Variants in FAM174B observed in about 807,000 individuals in gnomAD.
FAM174B encodes the protein family with sequence similarity 174 member B.
FAM174B carries 12 observed loss-of-function variants against 10.9 expected under a neutral mutation model. That is an observed-to-expected ratio of 1.10 (90% CI 0.71 to 1.79). The LOEUF is 1.79. FAM174B is among the 40% of genes most tolerant of loss of function. The pLI is 0.00. For missense variants in FAM174B, 266 were observed against 233.3 expected (o/e 1.14, Z -0.91); for synonymous variants, 132 against 115.8 (o/e 1.14, Z -0.90).
rs190535020 is a variant in FAM174B at position 92,630,908 on chromosome 15, T to C, written c.345-563A>G. Among the ~76,000 whole-genome samples the C allele has an allele frequency of 5.6e-3, 199 of 35,638 alleles. 1 individual carries two copies. Among genetic ancestry groups the C allele is most frequent in the Non-Finnish European group, 0.012 (153 of 13,278 alleles). 23.4% of individuals were successfully genotyped at this position (35,638 alleles called of 152,430 possible). A position where few individuals can be genotyped will look rare whatever the true frequency, so the allele number is the denominator to read the frequency against. On this transcript the variant is annotated intron_variant, in intron 1 of 2. Coordinates refer to ENST00000327355, the MANE Select transcript of FAM174B (RefSeq NM_207446.3). ...ATTACGTATTACATATTACATATTA[T>C]ATATTATATATTACGTATTACATAT...
intron 1 of FAM174B, among the ~76,000 whole-genome samples, chr15:92,637,370 G>A (rs987068793): frequency 3.3e-5 from 5 of 152,154 alleles, no homozygotes; most frequent in African/African-American, 9.7e-5. Context: ...GTCCTAAATC[G>A]ACTACCAAGC....
chr15:92,648,529 G>A (rs57768803), intron 1 of FAM174B, among the ~76,000 whole-genome samples: 80,459 of 151,986 alleles, frequency 0.53, 24,163 homozygotes, highest in East Asian at 0.7. Context: ...GTCCAAAAAG[G>A]GCCAAGCTGA....
Position 92,630,210 on chromosome 15 carries a change from G to A in FAM174B, c.476+4C>T, listed in dbSNP as rs767163857. ...AGGAGGAAGCCTCTGTCTCCACCCTGTACCTGTATTTGATGTCGAATACTG... is the reference window on the plus strand; with the variant it reads ...AGGAGGAAGCCTCTGTCTCCACCCTATACCTGTATTTGATGTCGAATACTG... On this transcript the variant is annotated splice_donor_region_variant and intron_variant, in intron 2 of 2. Transcript: ENST00000327355. 1.2e-6 allele frequency: 2 copies of A among 1,613,610 alleles called. No individual in the cohort carries two copies. The highest frequency in any genetic ancestry group is 1.7e-6 in the Non-Finnish European group (2 of 1,179,742).
chr15:92,623,612 C>T (rs2050734037), intron 2 of FAM174B, among the ~76,000 whole-genome samples: 1 of 152,224 alleles, frequency 6.6e-6, no homozygotes, highest in Non-Finnish European at 1.5e-5. Context: ...TAGCCCTCAA[C>T]ACAGGAACAC....
chr15:92,619,257 T>C lies in FAM174B; in HGVS notation c.*199A>G, dbSNP rs1396534957. On this transcript the variant is annotated 3_prime_UTR_variant, in exon 3 of 3. Coordinates refer to ENST00000327355, the MANE Select transcript of FAM174B (RefSeq NM_207446.3). ...CAAAGGGTGGCAGAAGCAACTCCATTGTGGTGACGTGGAAACGAGCTTGCC... is the reference window on the plus strand; with the variant it reads ...CAAAGGGTGGCAGAAGCAACTCCATCGTGGTGACGTGGAAACGAGCTTGCC... 1.4e-6 allele frequency: 1 copy of C among 717,420 alleles called. No individual in the cohort carries two copies. Among genetic ancestry groups the C allele is most frequent in the Non-Finnish European group, 2.5e-6 (1 of 394,758 alleles). The allele number at this position is 717,420 out of a possible 1,614,324, so 44.4% of individuals were successfully genotyped here.
chr15:92,631,394 A>T (rs1199322416), intron 1 of FAM174B, among the ~76,000 whole-genome samples: 2 of 25,068 alleles, frequency 8.0e-5, no homozygotes, highest in African/African-American at 4.8e-4. Context: ...TATATTATAT[A>T]TTATATTATA....
chr15:92,654,797 AAAAAG>A (rs1200720410), intron 1 of FAM174B, among the ~76,000 whole-genome samples: 8 of 149,476 alleles, frequency 5.4e-5, no homozygotes, highest in African/African-American at 2.0e-4. Flanking sequence ...CAAAAAAAAA[AAAAAG>A]AAGAAGAAGA....
At chr15:92,629,140 C>T (rs1441571919) in intron 2 of FAM174B, among the ~76,000 whole-genome samples, 1 of 152,160 alleles carries the variant, frequency 6.6e-6, no homozygotes. Context: ...CCCAGACATG[C>T]AGAAGCCATG....
intron 2 of FAM174B, among the ~76,000 whole-genome samples, chr15:92,623,540 A>T (rs1466545197): frequency 4.6e-5 from 7 of 152,172 alleles, no homozygotes; most frequent in Non-Finnish European, 1.0e-4. Flanking sequence ...ACACGAGGAG[A>T]GTGACATGTC....
In FAM174B at chr15:92,617,839, GAA is replaced by G; in HGVS notation, c.*1615_*1616del. On this transcript the variant is annotated 3_prime_UTR_variant, in exon 3 of 3. Transcript: ENST00000327355. ...GAGAAGGAAAGTCAACAAAGAAGGTGAAATGCAGGGAGCAGAGACTACACGCA... is the reference window on the plus strand; with the variant it reads ...GAGAAGGAAAGTCAACAAAGAAGGTGATGCAGGGAGCAGAGACTACACGCA... The G allele has an allele frequency of 2.0e-6, 1 of 492,624 alleles. No homozygotes were observed. The highest frequency in any genetic ancestry group is 3.6e-6 in the Non-Finnish European group (1 of 281,214). 30.5% of individuals were successfully genotyped at this position (492,624 alleles called of 1,614,324 possible).
rs562076665 is a variant in FAM174B at position 92,626,300 on chromosome 15, G to A, written c.476+3914C>T. The stretch of plus-strand genomic sequence containing the variant: ...TTTTCAGTAGAGACAGGGTTTCACC[G>A]TGTTAGCCAGGATGGTCTCGATCTC... On this transcript the variant is annotated intron_variant, in intron 2 of 2. Coordinates refer to ENST00000327355, the MANE Select transcript of FAM174B (RefSeq NM_207446.3). 4.6e-5 allele frequency among the ~76,000 whole-genome samples: 7 copies of A among 151,952 alleles called. No individual in the cohort carries two copies. The East Asian group carries it at 9.7e-4, about 21-fold the overall frequency.
intron 2 of FAM174B, among the ~76,000 whole-genome samples, chr15:92,628,458 G>A (rs571790022): frequency 2.0e-5 from 3 of 146,604 alleles, no homozygotes; most frequent in African/African-American, 5.0e-5. Flanking sequence ...GAGACTACAC[G>A]CATGAGCCAC....
chr15:92,619,673 C>T (rs139181596), intron 2 of FAM174B: 444 of 604,032 alleles, frequency 7.4e-4, no homozygotes, highest in Non-Finnish European at 1.1e-3. Flanking sequence ...GGATCCCTCC[C>T]CCAGCTCCCC....
intron 2 of FAM174B, chr15:92,619,885 G>A (rs997156211): frequency 1.9e-5 from 4 of 210,338 alleles, no homozygotes; most frequent in Non-Finnish European, 3.8e-5. Context: ...AGCAAGAAAT[G>A]CTTGGCCATG....
chr15:92,641,287 A>G (rs985837625), intron 1 of FAM174B, among the ~76,000 whole-genome samples: 7 of 152,262 alleles, frequency 4.6e-5, no homozygotes, highest in African/African-American at 1.7e-4. Flanking sequence ...AATTGTTACA[A>G]CATATACAGA....
chr15:92,620,635 T>C (rs1160217341), intron 2 of FAM174B, among the ~76,000 whole-genome samples: 2 of 151,734 alleles, frequency 1.3e-5, no homozygotes, highest in African/African-American at 4.8e-5. Context: ...GCCAACAAGG[T>C]GAAAACCTGT....
At chr15:92,633,165 C>T (rs763557243) in intron 1 of FAM174B, among the ~76,000 whole-genome samples, 4 of 152,168 alleles carry the variant, frequency 2.6e-5, no homozygotes, top group Non-Finnish European at 4.4e-5. Context: ...CCTACACATT[C>T]TTCTTGCTGA....
intron 1 of FAM174B, among the ~76,000 whole-genome samples, chr15:92,644,135 A>G (rs977580768): frequency 1.3e-5 from 2 of 152,102 alleles, no homozygotes; most frequent in African/African-American, 4.8e-5. Flanking sequence ...ATGACTCAGA[A>G]CCCACTCTTC....
At chr15:92,639,403 C>T (rs561175381) in intron 1 of FAM174B, among the ~76,000 whole-genome samples, 12 of 152,270 alleles carry the variant, frequency 7.9e-5, no homozygotes, top group East Asian at 7.7e-4. Context: ...AGTAAGATAC[C>T]GACCAATTTC....
Sources: allele counts gnomAD v4.1 joint callset (sites outside exome capture counted in the v4.1 genomes callset), GRCh38; gene constraint gnomAD v4.1.1; transcripts MANE v1.5; gene names NCBI Gene and HGNC (gene_info 2026-07-23, HGNC 2026-07-21).